Variants in CEP78 observed in about 807,000 individuals in gnomAD.
CEP78 encodes centrosomal protein 78, also known as centrosomal protein of 78 kDa.
In CEP78, 76 loss-of-function variants were observed where a neutral mutation model predicts 81.2. That is an observed-to-expected ratio of 0.94 (90% CI 0.78 to 1.13). CEP78 has a LOEUF of 1.13. Ranked by LOEUF, CEP78 falls within the 50% of genes most tolerant of loss-of-function variation. The pLI is 0.00. For synonymous variants in CEP78, 293 were observed against 301.4 expected (o/e 0.97, Z 0.29); for missense variants, 918 against 846.8 (o/e 1.08, Z -1.04).
intron 5 of CEP78, among the ~76,000 whole-genome samples, chr9:78,245,949 T>G (rs1309948995): frequency 1.3e-5 from 2 of 152,218 alleles, no homozygotes; most frequent in East Asian, 3.8e-4. Flanking sequence ...ACTTGGAATT[T>G]GAATTTGAAT....
At chr9:78,250,583 CA>C in intron 8 of CEP78, 1 of 175,218 alleles carries the variant, frequency 5.7e-6, no homozygotes, top group Non-Finnish European at 1.2e-5. Flanking sequence ...TACTAAAATA[CA>C]AAAAATTAGC....
rs544437388 is a variant in CEP78 at position 78,253,530 on chromosome 9, C to T, written c.1251+253C>T. On this transcript the variant is annotated intron_variant, in intron 10 of 16. Coordinates refer to ENST00000643273, the MANE Select transcript of CEP78 (RefSeq NM_001330691.3). ...GGGTCCACAAATCAGCTGTTGCCTC[C>T]AGCAAAACAAATTTGACCACCATTT... 43 of 387,932 alleles carry T rather than the reference C, an allele frequency of 1.1e-4. 1 individual carries two copies. Among genetic ancestry groups the T allele is most frequent in the Admixed American group, 3.5e-4 (9 of 25,740 alleles). The allele number at this position is 387,932 out of a possible 1,614,324, so 24.0% of individuals were successfully genotyped here.
In CEP78 at chr9:78,236,581, C is replaced by T; in HGVS notation, c.231C>T (p.Phe77=). 6.4e-7 allele frequency: 1 copy of T among 1,554,766 alleles called. No individual in the cohort carries two copies. Among genetic ancestry groups the T allele is most frequent in the Non-Finnish European group, 8.7e-7 (1 of 1,151,058 alleles). ...DLPLVSIKSF[F]QPWLGDTGSD... ...CCTTGGTCTCCATCAAGAGCTTCTT[C>T]CAGCCCTGGCTGGGGGACACAGGTT... The change falls in exon 1 of 17, where the codon TTC becomes TTT. Residue 77 remains phenylalanine (F), a synonymous_variant. Coordinates refer to ENST00000643273, the MANE Select transcript of CEP78 (RefSeq NM_001330691.3).
chr9:78,253,351 TA>T (rs1826855752), intron 10 of CEP78, 74 bp downstream of exon 10: 2 of 773,504 alleles, frequency 2.6e-6, no homozygotes, highest in African/African-American at 3.4e-5. Flanking sequence ...CTGTGCTCTT[TA>T]AATTGAATAG....
rs779046376 is a variant in CEP78 at position 78,266,573 on chromosome 9, G to A, written c.1977G>A (p.Glu659=). 1 of 1,613,870 alleles carries A rather than the reference G, an allele frequency of 6.2e-7. No homozygotes were observed. The highest frequency in any genetic ancestry group is 8.5e-7 in the Non-Finnish European group (1 of 1,179,840). The change falls in exon 16 of 17, where the codon GAG becomes GAA. Residue 659 remains glutamate, a synonymous_variant. Transcript: ENST00000643273. ...LGVPATEQRQ[E]SFEGFIARMC... ...TCCCAGCTACTGAGCAGCGGCAGGAGTCTTTTGAAGGATTCATTGCTAGAA... is the reference window on the plus strand; with the variant it reads ...TCCCAGCTACTGAGCAGCGGCAGGAATCTTTTGAAGGATTCATTGCTAGAA...
At chr9:78,260,706 CAAA>C (rs1204270796) in intron 11 of CEP78, among the ~76,000 whole-genome samples, 3 of 53,070 alleles carry the variant, frequency 5.7e-5, no homozygotes, top group Admixed American at 2.1e-4. Flanking sequence ...GACTCCATCT[CAAA>C]AAAAAAAAAA....
intron 16 of CEP78, among the ~76,000 whole-genome samples, chr9:78,268,014 G>C (rs1460177659): frequency 6.6e-6 from 1 of 151,958 alleles, no homozygotes; most frequent in Non-Finnish European, 1.5e-5. Context: ...ATGTAATCTT[G>C]GCTTTTTAAC....
At chr9:78,261,156 G>A (rs927315899) in intron 11 of CEP78, among the ~76,000 whole-genome samples, 1 of 151,960 alleles carries the variant, frequency 6.6e-6, no homozygotes. Context: ...TCACCATGTT[G>A]GCCTCAATTT....
chr9:78,254,710 TAAG>T (rs1826930676), intron 10 of CEP78, 123 bp from the exon 11 acceptor site: 1 of 596,782 alleles, frequency 1.7e-6, no homozygotes, highest in Admixed American at 3.3e-5. Context: ...TGTGTTAGAC[TAAG>T]GAGTAGTGAT....
chr9:78,248,344 G>T lies in CEP78; in HGVS notation c.946G>T (p.Ala316Ser). ...AAAAGTCCTCCAGAATGGAAGGAGT[G>T]CCAAATCAGAGGTATATCATGTTTT... ...IKKVLQNGRS[A>S]KSEYQWITSP... The change falls in exon 7 of 17, where the codon GCC becomes TCC. Residue 316 changes from alanine to serine, a missense_variant. Transcript: ENST00000643273. 1 of 1,571,580 alleles carries T rather than the reference G, an allele frequency of 6.4e-7. No individual in the cohort carries two copies. The highest frequency in any genetic ancestry group is 8.8e-7 in the Non-Finnish European group (1 of 1,141,376).
At chr9:78,247,333 C>T (rs1826540486) in intron 6 of CEP78, among the ~76,000 whole-genome samples, 1 of 152,168 alleles carries the variant, frequency 6.6e-6, no homozygotes, top group African/African-American at 2.4e-5. Context: ...GACATTTGAA[C>T]AGAGACCTGA....
chr9:78,274,141 G>T lies in CEP78; in HGVS notation c.*3290G>T, dbSNP rs1228602747. Reference sequence around the variant, plus strand: ...CAAGATGTCTTCCAACAGGTGAATGGATAGCGATGTATCCATATGGTGGCA... The same window carrying T: ...CAAGATGTCTTCCAACAGGTGAATGTATAGCGATGTATCCATATGGTGGCA... On this transcript the variant is annotated 3_prime_UTR_variant, in exon 17 of 17. Transcript: ENST00000643273. 6.6e-6 allele frequency: 1 copy of T among 152,228 alleles called. No homozygotes were observed. The highest frequency in any genetic ancestry group is 1.5e-5 in the Non-Finnish European group (1 of 68,032). 9.4% of individuals were successfully genotyped at this position (152,228 alleles called of 1,614,324 possible).
chr9:78,275,126 T>G lies in CEP78; in HGVS notation c.*4275T>G, dbSNP rs888521256. 3.9e-5 allele frequency: 6 copies of G among 152,216 alleles called. No homozygotes were observed. The highest frequency in any genetic ancestry group is 1.3e-4 in the Admixed American group (2 of 15,286). 9.4% of individuals were successfully genotyped at this position (152,216 alleles called of 1,614,324 possible). A position where few individuals can be genotyped will look rare whatever the true frequency, so the allele number is the denominator to read the frequency against. On this transcript the variant is annotated 3_prime_UTR_variant, in exon 17 of 17. Transcript: ENST00000643273. ...GAAGGATACCTACAACTAGAAGAGA[T>G]ATTTTTAATTATGAGCACTTTTATA... is the stretch of plus-strand genomic sequence containing the variant.
intron 1 of CEP78, among the ~76,000 whole-genome samples, chr9:78,239,250 A>T (rs1400511200): frequency 6.6e-6 from 1 of 152,160 alleles, no homozygotes; most frequent in Non-Finnish European, 1.5e-5. Flanking sequence ...GGACTATTGC[A>T]GACGCTCCTA....
At chr9:78,249,146 T>G (rs1162958952) in intron 8 of CEP78, 5 of 170,580 alleles carry the variant, frequency 2.9e-5, no homozygotes, top group Non-Finnish European at 6.2e-5. Context: ...GTTTTCTGAT[T>G]CATGATTACT....
intron 13 of CEP78, 61 bp from the exon 14 acceptor site, chr9:78,265,311 A>C (rs1827466959): frequency 1.5e-6 from 2 of 1,311,000 alleles, no homozygotes; most frequent in South Asian, 3.1e-5. Context: ...GGGGAAATGT[A>C]AGCTGTTCTT....
chr9:78,257,773 A>G (rs1435000609), intron 11 of CEP78, among the ~76,000 whole-genome samples: 2 of 152,244 alleles, frequency 1.3e-5, no homozygotes, highest in Admixed American at 1.3e-4. Flanking sequence ...GTGGCACAGC[A>G]GTCGGTGACC....
intron 11 of CEP78, among the ~76,000 whole-genome samples, chr9:78,257,364 G>A (rs573155912): frequency 6.6e-6 from 1 of 152,218 alleles, no homozygotes; most frequent in East Asian, 1.9e-4. Context: ...TCTAAGTGGG[G>A]GCTGAATAGG....
chr9:78,268,652 C>T (rs1380990766), intron 16 of CEP78, among the ~76,000 whole-genome samples: 1 of 150,922 alleles, frequency 6.6e-6, no homozygotes, highest in Non-Finnish European at 1.5e-5. Context: ...GAGACCCTCG[C>T]ATAAATAGAA....
Sources: gnomAD v4.1 joint callset for allele counts (sites outside exome capture counted in the v4.1 genomes callset) on GRCh38, gnomAD v4.1.1 for gene constraint, MANE v1.5 for transcripts, NCBI Gene and HGNC (gene_info 2026-07-23, HGNC 2026-07-21) for gene names.